Variants in CTNNA2 observed in about 807,000 individuals in gnomAD.
CTNNA2 encodes catenin alpha-2.
CTNNA2 carries 42 observed loss-of-function variants against 101.0 expected under a neutral mutation model. The ratio of observed to expected loss-of-function variants is 0.42; its 90% CI spans 0.32 to 0.54. CTNNA2 has a LOEUF of 0.54. CTNNA2 is among the 20% of genes least tolerant of loss of function. The probability of loss-of-function intolerance (pLI) is 0.14; values close to 1 mark genes in which losing one functional copy is unlikely to be tolerated. For missense variants in CTNNA2, 871 were observed against 1,223.1 expected (o/e 0.71, Z 4.29); for synonymous variants, 450 against 456.4 (o/e 0.99, Z 0.18).
intron 7 of CTNNA2, among the ~76,000 whole-genome samples, chr2:80,392,501 AC>A (rs1232403582): frequency 1.3e-5 from 2 of 152,156 alleles, no homozygotes; most frequent in African/African-American, 2.4e-5. Context: ...TTCTGTACCC[AC>A]CAAAAAAAGG....
At chr2:79,984,887 T>G (rs554940131) in intron 7 of CTNNA2, among the ~76,000 whole-genome samples, 8 of 152,160 alleles carry the variant, frequency 5.3e-5, no homozygotes, top group Non-Finnish European at 1.2e-4. Flanking sequence ...TCACCTATAG[T>G]AAGGATTGGC....
intron 2 of CTNNA2, among the ~76,000 whole-genome samples, chr2:79,298,264 C>A (rs1436150848): frequency 3.3e-5 from 5 of 152,156 alleles, no homozygotes; most frequent in African/African-American, 1.2e-4. Context: ...GGTGGAGATG[C>A]CAGGCTCCTT....
At chr2:79,690,757 TG>T (rs1684240625) in intron 2 of CTNNA2, among the ~76,000 whole-genome samples, 1 of 151,836 alleles carries the variant, frequency 6.6e-6, no homozygotes, top group Admixed American at 6.6e-5. Flanking sequence ...GCAGAGGAAG[TG>T]GGGGCAGAAG....
At chr2:80,092,493 G>A (rs1353069697) in intron 7 of CTNNA2, among the ~76,000 whole-genome samples, 1 of 152,076 alleles carries the variant, frequency 6.6e-6, no homozygotes, top group African/African-American at 2.4e-5. Context: ...TTTCTTTAGA[G>A]TGATGAAAGG....
In CTNNA2 at chr2:80,167,111, G is replaced by C. The variant is rs35409179; in HGVS notation, c.1057-226100G>C. Among the ~76,000 whole-genome samples the C allele has an allele frequency of 4.7e-3, 717 of 151,524 alleles. 3 individuals carry two copies. Among genetic ancestry groups the C allele is most frequent in the Admixed American group, 0.013 (195 of 15,206 alleles). On this transcript the variant is annotated intron_variant, in intron 7 of 18. Transcript: ENST00000402739. ...TTAGCAGGAGGAATAGGAAAAAAAA[G>C]TATATATATATATTAGTAATTGCCA...
chr2:79,731,260 G>C (rs1267927365), intron 2 of CTNNA2, among the ~76,000 whole-genome samples: 2 of 152,036 alleles, frequency 1.3e-5, no homozygotes, highest in South Asian at 2.1e-4. Flanking sequence ...TGAATCTCCT[G>C]TGTTTCAACG....
chr2:79,233,719 CTGTT>C (rs1183191424), intron 2 of CTNNA2, among the ~76,000 whole-genome samples: 3 of 152,086 alleles, frequency 2.0e-5, no homozygotes, highest in Admixed American at 1.3e-4. Context: ...TTTTATGACT[CTGTT>C]TGCTCCTATG....
chr2:79,340,833 CAAAAAAAAAAA>C (rs56276462), intron 3 of CTNNA2, among the ~76,000 whole-genome samples: 2 of 32,534 alleles, frequency 6.1e-5, no homozygotes, highest in African/African-American at 1.2e-4. Flanking sequence ...GACTCAGTCT[CAAAAAAAAAAA>C]AAAAAAAAAA....
intron 7 of CTNNA2, among the ~76,000 whole-genome samples, chr2:80,026,672 G>T (rs183388003): frequency 3.3e-5 from 5 of 151,914 alleles, no homozygotes; most frequent in Admixed American, 3.3e-4. Flanking sequence ...TCATAATCAC[G>T]GAACTATAAT....
At chr2:80,001,736 G>T (rs891435037) in intron 7 of CTNNA2, among the ~76,000 whole-genome samples, 13 of 152,126 alleles carry the variant, frequency 8.5e-5, no homozygotes, top group African/African-American at 2.9e-4. Context: ...GAAAGAGGAG[G>T]CGGCCGGACA....
intron 2 of CTNNA2, among the ~76,000 whole-genome samples, chr2:79,281,716 G>A (rs1315380583): frequency 1.3e-5 from 2 of 152,190 alleles, no homozygotes; most frequent in East Asian, 3.9e-4. Flanking sequence ...AAAGACAACA[G>A]CACACACTTC....
intron 2 of CTNNA2, among the ~76,000 whole-genome samples, chr2:79,253,932 C>A (rs1222656882): frequency 6.6e-6 from 1 of 152,082 alleles, no homozygotes; most frequent in Non-Finnish European, 1.5e-5. Context: ...GTTTGTGGCT[C>A]CTTTGGGAGA....
At chr2:79,814,023 T>C (rs1677257099) in intron 3 of CTNNA2, among the ~76,000 whole-genome samples, 1 of 152,096 alleles carries the variant, frequency 6.6e-6, no homozygotes, top group Non-Finnish European at 1.5e-5. Flanking sequence ...CTCCAATCTC[T>C]GCCTTTGTTG....
intron 4 of CTNNA2, among the ~76,000 whole-genome samples, chr2:79,428,884 G>T (rs1678620994): frequency 6.6e-6 from 1 of 152,136 alleles, no homozygotes. Context: ...TTGAGTGTGA[G>T]CGAATGAGAG....
chr2:80,417,344 C>T (rs1174706613), intron 8 of CTNNA2, among the ~76,000 whole-genome samples: 3 of 151,360 alleles, frequency 2.0e-5, no homozygotes, highest in African/African-American at 7.3e-5. Flanking sequence ...TACATATATT[C>T]TGGAAAGTTT....
chr2:80,569,687 G>C (rs1437029924), intron 12 of CTNNA2, among the ~76,000 whole-genome samples: 2 of 100,850 alleles, frequency 2.0e-5, no homozygotes. Context: ...CTGTTGCCCA[G>C]GCTGGAGTGC....
chr2:79,704,052 CAT>C (rs1685183201), intron 2 of CTNNA2, among the ~76,000 whole-genome samples: 2 of 152,000 alleles, frequency 1.3e-5, no homozygotes, highest in Non-Finnish European at 2.9e-5. Flanking sequence ...AAATATATGA[CAT>C]GTTTATGCAC....
chr2:80,286,712 C>T (rs996086119), intron 7 of CTNNA2, among the ~76,000 whole-genome samples: 2 of 152,290 alleles, frequency 1.3e-5, no homozygotes, highest in African/African-American at 2.4e-5. Flanking sequence ...TCAAGCCCTA[C>T]GAAACTTCTC....
chr2:79,753,399 T>G (rs1213517079), intron 3 of CTNNA2, among the ~76,000 whole-genome samples: 2 of 152,086 alleles, frequency 1.3e-5, no homozygotes, highest in East Asian at 3.8e-4. Context: ...GCAAATCCAT[T>G]TAATGGTGTA....
Sources: allele counts gnomAD v4.1 joint callset (sites outside exome capture counted in the v4.1 genomes callset), GRCh38; gene constraint gnomAD v4.1.1; transcripts MANE v1.5; gene names NCBI Gene and HGNC (gene_info 2026-07-23, HGNC 2026-07-21).